The following CTNNA2 variants were observed in gnomAD, a reference collection of about 807,000 sequenced individuals.
CTNNA2 encodes catenin alpha-2.
A neutral mutation model predicts 101.0 loss-of-function variants in CTNNA2; 42 were observed. That is an observed-to-expected ratio of 0.42 (90% CI 0.32 to 0.54). The LOEUF (loss-of-function observed/expected upper bound fraction) is 0.54, where lower values mean the gene tolerates loss of function less well. Among genes scored for constraint, CTNNA2 ranks in the 20% least tolerant of loss-of-function variants. The pLI, the probability that CTNNA2 is intolerant of heterozygous loss-of-function variation, is 0.14. For missense variants in CTNNA2, 871 were observed against 1,223.1 expected, an observed-to-expected ratio of 0.71 and a Z score of 4.29; for synonymous variants, 450 against 456.4, an observed-to-expected ratio of 0.99 and a Z score of 0.18.
chr2:80,165,232 T>C, intron 7 of CTNNA2, among the ~76,000 whole-genome samples: 1 of 146,886 alleles, frequency 6.8e-6, no homozygotes, highest in South Asian at 2.1e-4. Flanking sequence ...AATTAATTTA[T>C]TTTTTTTTTC....
chr2:79,474,428 A>G (rs979653124), intron 4 of CTNNA2, among the ~76,000 whole-genome samples: 1 of 152,218 alleles, frequency 6.6e-6, no homozygotes, highest in East Asian at 1.9e-4. Flanking sequence ...GGTTTCATTT[A>G]TATGGCATTT....
In CTNNA2 at chr2:79,463,951, T is replaced by A. The variant is rs118037720; in HGVS notation, c.-134-41103T>A. Among the ~76,000 whole-genome samples, 1,162 of 151,868 alleles carry A rather than the reference T, an allele frequency of 7.7e-3. 46 individuals are homozygous for A. The highest frequency in any genetic ancestry group is 0.06 in the Admixed American group (908 of 15,206). On this transcript the variant is annotated intron_variant, in intron 4 of 21. Transcript: ENST00000466387. ...ATAGATAGAACTTGGAAAAATAATG[T>A]TATCATAAGACAGCATGGCCGGGCT... is the stretch of plus-strand genomic sequence containing the variant.
intron 1 of CTNNA2, among the ~76,000 whole-genome samples, chr2:79,531,637 A>G (rs1672749550): frequency 6.6e-6 from 1 of 151,972 alleles, no homozygotes; most frequent in Non-Finnish European, 1.5e-5. Context: ...CAGAGGTGTT[A>G]TTGGATTTAC....
chr2:80,259,848 CCT>C (rs1017844257), intron 7 of CTNNA2, among the ~76,000 whole-genome samples: 2 of 152,156 alleles, frequency 1.3e-5, no homozygotes, highest in African/African-American at 4.8e-5. Context: ...GAATACTTCC[CCT>C]GTCTAAGTTA....
At chr2:79,529,820 G>T (rs568521664) in intron 1 of CTNNA2, among the ~76,000 whole-genome samples, 1 of 151,962 alleles carries the variant, frequency 6.6e-6, no homozygotes, top group African/African-American at 2.4e-5. Flanking sequence ...ACTGCTTCCA[G>T]CCATGAGGTC....
intron 7 of CTNNA2, among the ~76,000 whole-genome samples, chr2:79,924,716 G>T (rs1686907196): frequency 6.6e-6 from 1 of 152,044 alleles, no homozygotes; most frequent in Admixed American, 6.6e-5. Flanking sequence ...GAGATTTTGG[G>T]ATAAAAGTAG....
chr2:79,534,092 G>T (rs1431974167), intron 1 of CTNNA2, among the ~76,000 whole-genome samples: 1 of 152,032 alleles, frequency 6.6e-6, no homozygotes, highest in East Asian at 1.9e-4. Flanking sequence ...GATGTATGTT[G>T]TTTGCATTTC....
chr2:79,470,412 C>T (rs150119391), intron 4 of CTNNA2, among the ~76,000 whole-genome samples: 1 of 152,280 alleles, frequency 6.6e-6, no homozygotes, highest in East Asian at 1.9e-4. Flanking sequence ...TAATATGAAA[C>T]TGAGTACCAG....
At chr2:79,739,232 A>G (rs1439908197) in intron 2 of CTNNA2, among the ~76,000 whole-genome samples, 1 of 152,164 alleles carries the variant, frequency 6.6e-6, no homozygotes, top group Non-Finnish European at 1.5e-5. Flanking sequence ...CCTAACATTC[A>G]ACCAAGGATT....
At chr2:80,399,551 T>C (rs977712179) in intron 8 of CTNNA2, among the ~76,000 whole-genome samples, 2 of 152,120 alleles carry the variant, frequency 1.3e-5, no homozygotes, top group Non-Finnish European at 2.9e-5. Flanking sequence ...ATAACGTAAG[T>C]ATGAACATGA....
chr2:80,566,875 G>C (rs188807829), intron 12 of CTNNA2, among the ~76,000 whole-genome samples: 2 of 152,136 alleles, frequency 1.3e-5, no homozygotes, highest in African/African-American at 4.8e-5. Context: ...TTAGAGATTC[G>C]AACATTAATT....
At chr2:79,227,234 G>A (rs993950517) in intron 2 of CTNNA2, among the ~76,000 whole-genome samples, 2 of 152,152 alleles carry the variant, frequency 1.3e-5, no homozygotes, top group African/African-American at 4.8e-5. Flanking sequence ...GGACAAACGA[G>A]TTTTAATCTG....
chr2:79,513,500 C>G (rs964070373), intron 1 of CTNNA2, among the ~76,000 whole-genome samples: 11 of 152,152 alleles, frequency 7.2e-5, no homozygotes, highest in African/African-American at 2.7e-4. Flanking sequence ...ATCTCTTCTT[C>G]CCCCCTTTCT....
At chr2:80,207,078 T>C (rs909139331) in intron 7 of CTNNA2, among the ~76,000 whole-genome samples, 1 of 152,198 alleles carries the variant, frequency 6.6e-6, no homozygotes, top group Admixed American at 6.5e-5. Flanking sequence ...GCTACGTTTC[T>C]TCCCCTGATA....
intron 4 of CTNNA2, among the ~76,000 whole-genome samples, chr2:79,382,893 C>T (rs1378112432): frequency 2.0e-5 from 3 of 152,140 alleles, no homozygotes; most frequent in East Asian, 1.9e-4. Context: ...GGATTACAGG[C>T]GTGAGCCACC....
chr2:80,570,877 A>C (rs766942184), intron 12 of CTNNA2, among the ~76,000 whole-genome samples: 1 of 152,088 alleles, frequency 6.6e-6, no homozygotes, highest in Non-Finnish European at 1.5e-5. Flanking sequence ...GCTGGTGCAA[A>C]TAGAATCCTC....
At chr2:80,190,042 A>G (rs1483579566) in intron 7 of CTNNA2, among the ~76,000 whole-genome samples, 1 of 152,034 alleles carries the variant, frequency 6.6e-6, no homozygotes, top group African/African-American at 2.4e-5. Flanking sequence ...GATGCCTTTA[A>G]GGTCTGGTTT....
Position 79,367,935 on chromosome 2 carries a change from T to C in CTNNA2, c.-317-5896T>C, listed in dbSNP as rs189241428. 3.1e-3 allele frequency among the ~76,000 whole-genome samples: 476 copies of C among 152,214 alleles called. 7 individuals carry two copies. The highest frequency in any genetic ancestry group is 2.4e-3 in the Admixed American group (37 of 15,290). ...TCATTTCTTTATATACTAGAGAAAA[T>C]AGTACTACCTACCTTACAGAGGTGT... On this transcript the variant is annotated intron_variant, in intron 3 of 21. Transcript: ENST00000466387.
rs567131551 is a variant in CTNNA2 at position 80,591,457 on chromosome 2, G to GTTTTTTTTTTTTTTTTTTTTTTTTTTTT, written c.2189+1993_2189+1994insTTTTTTTTTTTTTTTTTTTTTTTTTTTT. Among the ~76,000 whole-genome samples the GTTTTTTTTTTTTTTTTTTTTTTTTTTTT allele has an allele frequency of 1.1e-4, 8 of 70,314 alleles. 2 individuals are homozygous for GTTTTTTTTTTTTTTTTTTTTTTTTTTTT. The highest frequency in any genetic ancestry group is 1.8e-4 in the Non-Finnish European group (6 of 33,386). 46.1% of individuals were successfully genotyped at this position (70,314 alleles called of 152,430 possible). A position where few individuals can be genotyped will look rare whatever the true frequency, so the allele number is the denominator to read the frequency against. ...ATTGCTGCCTCCATCTGCACAGCCTGTTTTTTTTTTTTTTTTTTTTTGCAA... is the reference window on the plus strand; with the variant it reads ...ATTGCTGCCTCCATCTGCACAGCCTGTTTTTTTTTTTTTTTTTTTTTTTTTTTTTTTTTTTTTTTTTTTTTTTTTGCAA... On this transcript the variant is annotated intron_variant, in intron 15 of 18. Coordinates refer to ENST00000402739, the MANE Select transcript of CTNNA2 (RefSeq NM_001282597.3).
Sources: gnomAD v4.1 joint callset for allele counts (sites outside exome capture counted in the v4.1 genomes callset) on GRCh38, gnomAD v4.1.1 for gene constraint, MANE v1.5 for transcripts, NCBI Gene and HGNC (gene_info 2026-07-23, HGNC 2026-07-21) for gene names.